KANSL1: variants seen among roughly 807,000 people sequenced by gnomAD.
KANSL1 encodes KAT8 regulatory NSL complex subunit 1, also known as MLL1/MLL complex subunit KANSL1.
KANSL1 carries 22 observed loss-of-function variants against 103.6 expected under a neutral mutation model. That is an observed-to-expected ratio of 0.21 (90% CI 0.15 to 0.30). The LOEUF (loss-of-function observed/expected upper bound fraction) is 0.30. KANSL1 is among the 10% of genes least tolerant of loss of function. KANSL1 has a pLI of 1.00. For missense variants in KANSL1, 1,337 were observed against 1,399.8 expected (o/e 0.96, Z 0.72); for synonymous variants, 600 against 527.6 (o/e 1.14, Z -1.88).
intron 1 of KANSL1, among the ~76,000 whole-genome samples, chr17:46,173,707 G>A (rs919801021): frequency 3.3e-5 from 5 of 152,174 alleles, no homozygotes; most frequent in African/African-American, 1.2e-4. Flanking sequence ...CAAGGAAGAG[G>A]CACCAAACTA....
At chr17:46,156,046 A>C (rs1017121411) in intron 2 of KANSL1, among the ~76,000 whole-genome samples, 1 of 152,202 alleles carries the variant, frequency 6.6e-6, no homozygotes, top group African/African-American at 2.4e-5. Context: ...CCTCCTAAGT[A>C]GTTTAAAAAT....
intron 2 of KANSL1, among the ~76,000 whole-genome samples, chr17:46,168,672 A>G (rs1401831099): frequency 1.3e-5 from 2 of 152,244 alleles, no homozygotes; most frequent in Non-Finnish European, 2.9e-5. Context: ...TACAATGTGC[A>G]AAAAGAGCAT....
chr17:46,078,753 A>G (rs1203434916), intron 4 of KANSL1, among the ~76,000 whole-genome samples: 2 of 148,784 alleles, frequency 1.3e-5, no homozygotes, highest in Admixed American at 6.8e-5. Context: ...AAGCAGGGGA[A>G]AGCAAGCTTC....
intron 1 of KANSL1, among the ~76,000 whole-genome samples, chr17:46,179,921 G>A (rs368412112): frequency 1.5e-4 from 23 of 152,000 alleles, no homozygotes; most frequent in African/African-American, 2.7e-4. Flanking sequence ...AAAATTAGCC[G>A]GGTGTGGAGG....
At chr17:46,212,004 T>A (rs2048181781) in intron 1 of KANSL1, among the ~76,000 whole-genome samples, 1 of 152,208 alleles carries the variant, frequency 6.6e-6, no homozygotes, top group African/African-American at 2.4e-5. Flanking sequence ...ACAGAACAAT[T>A]GGTTGGACAG....
At chr17:46,149,091 C>T (rs1415544053) in intron 2 of KANSL1, among the ~76,000 whole-genome samples, 4 of 151,450 alleles carry the variant, frequency 2.6e-5, no homozygotes, top group Non-Finnish European at 5.9e-5. Flanking sequence ...CAAGCTCCAC[C>T]TCCCGGGTTC....
intron 6 of KANSL1, among the ~76,000 whole-genome samples, chr17:46,062,091 CAAAAAAA>C (rs35638067): frequency 1.0e-4 from 7 of 70,080 alleles, no homozygotes; most frequent in African/African-American, 2.1e-4. Context: ...GACTCCGACT[CAAAAAAA>C]AAAAAAAAAA....
chr17:46,172,089 G>A lies in KANSL1; in HGVS notation c.55C>T (p.Arg19Trp), dbSNP rs2046318820. The A allele has an allele frequency of 9.3e-6, 15 of 1,612,858 alleles. No homozygotes were observed. Among genetic ancestry groups the A allele is most frequent in the Non-Finnish European group, 1.3e-5 (15 of 1,180,054 alleles). Residue 19 changes from arginine to tryptophan, a missense_variant, in exon 2 of 15, where the codon CGG becomes TGG. Arg to Trp is a moderately radical substitution (Grantham distance 101). Coordinates refer to ENST00000432791, the MANE Select transcript of KANSL1 (RefSeq NM_015443.4). ...GAGGATGGGGGAGCCAGTTTGAACC[G>A]GATATGGTGTGCTTCAGCTGCTGCG... ...TDAAAEAHHI[R>W]FKLAPPSSTL... is the part of the protein sequence containing the mutation.
chr17:46,052,963 CCAAAAAAAAAAAAAAAAAAAAAAA>C (rs2077775113), intron 6 of KANSL1, among the ~76,000 whole-genome samples: 4 of 43,140 alleles, frequency 9.3e-5, no homozygotes, highest in African/African-American at 3.1e-4. Flanking sequence ...GATCCTGTCT[CCAAAAAAAAAAAAAAAAAAAAAAA>C]AAAAAAAAAA....
At chr17:46,032,594 GAA>G in intron 13 of KANSL1, 1 of 388,522 alleles carries the variant, frequency 2.6e-6, no homozygotes, top group Non-Finnish European at 4.6e-6. Flanking sequence ...TGTAGTCAAA[GAA>G]AAAAAAGTAA....
intron 3 of KANSL1, among the ~76,000 whole-genome samples, chr17:46,085,307 G>C (rs1218225991): frequency 6.6e-6 from 1 of 152,134 alleles, no homozygotes; most frequent in Non-Finnish European, 1.5e-5. Flanking sequence ...CTTCCAAAGA[G>C]ATTTTCAACA....
chr17:46,062,918 C>T (rs961629221), intron 6 of KANSL1, among the ~76,000 whole-genome samples: 4 of 151,938 alleles, frequency 2.6e-5, no homozygotes, highest in Non-Finnish European at 5.9e-5. Flanking sequence ...GGCGTGGTGG[C>T]GTATGCCTGT....
chr17:46,111,818 G>T (rs1429573397), intron 2 of KANSL1, among the ~76,000 whole-genome samples: 2 of 152,204 alleles, frequency 1.3e-5, no homozygotes, highest in Non-Finnish European at 2.9e-5. Context: ...GTGTGTTAAA[G>T]ACTTTAGCAT....
At chr17:46,167,410 G>C (rs1463878186) in intron 2 of KANSL1, among the ~76,000 whole-genome samples, 3 of 152,326 alleles carry the variant, frequency 2.0e-5, no homozygotes, top group East Asian at 1.9e-4. Context: ...TAAACATTAA[G>C]ATATTTACGG....
intron 1 of KANSL1, among the ~76,000 whole-genome samples, chr17:46,207,666 G>T (rs2048016439): frequency 6.6e-6 from 1 of 152,218 alleles, no homozygotes; most frequent in African/African-American, 2.4e-5. Context: ...ATATATGAAT[G>T]GCCAATAAGC....
chr17:46,186,275 C>T (rs1016566514), intron 1 of KANSL1, among the ~76,000 whole-genome samples: 19 of 151,058 alleles, frequency 1.3e-4, no homozygotes, highest in African/African-American at 4.4e-4. Context: ...TCCAGCTACT[C>T]GGGAGGCTGA....
intron 2 of KANSL1, among the ~76,000 whole-genome samples, chr17:46,138,959 C>T (rs1366881971): frequency 6.6e-6 from 1 of 152,234 alleles, no homozygotes; most frequent in Admixed American, 6.5e-5. Context: ...CAACTACCCC[C>T]AGTGGCTTAT....
At chr17:46,103,837 C>T (rs1487760554) in intron 2 of KANSL1, among the ~76,000 whole-genome samples, 5 of 152,186 alleles carry the variant, frequency 3.3e-5, no homozygotes, top group African/African-American at 1.2e-4. Flanking sequence ...ACCAGCCTGA[C>T]CAACATGGTG....
chr17:46,100,444 C>CAAAAAAAAAAAAAAAAAAAAAAAAAAAAA (rs369274727), intron 2 of KANSL1, among the ~76,000 whole-genome samples: 1 of 88,264 alleles, frequency 1.1e-5, no homozygotes, highest in Non-Finnish European at 2.4e-5. Flanking sequence ...TCCCTCTCCC[C>CAAAAAAAAAAAAAAAAAAAAAAAAAAAAA]AAAAAAAAAA....
Sources: allele counts gnomAD v4.1 joint callset (sites outside exome capture counted in the v4.1 genomes callset), GRCh38; gene constraint gnomAD v4.1.1; transcripts MANE v1.5; gene names NCBI Gene and HGNC (gene_info 2026-07-23, HGNC 2026-07-21).